Variants in TRA2B observed in about 807,000 individuals in gnomAD.
The protein encoded by TRA2B is transformer-2 protein homolog beta.
A neutral mutation model predicts 41.7 loss-of-function variants in TRA2B; 14 were observed. The ratio of observed to expected loss-of-function variants is 0.34; its 90% CI spans 0.22 to 0.53. TRA2B has a LOEUF of 0.53. TRA2B is among the 20% of genes least tolerant of loss of function. The probability of loss-of-function intolerance (pLI) is 0.95; values close to 1 mark genes in which losing one functional copy is unlikely to be tolerated. For missense variants in TRA2B, 167 were observed against 396.8 expected (o/e 0.42, Z 4.92); for synonymous variants, 130 against 128.8 (o/e 1.01, Z -0.06).
intron 3 of TRA2B, chr3:185,924,326 G>T (rs567545669): frequency 3.3e-5 from 6 of 184,026 alleles, no homozygotes; most frequent in Admixed American, 3.0e-4. Context: ...GAACCACACT[G>T]TGTCTATCAG....
At chr3:185,932,145 A>C (rs1313694731) in intron 1 of TRA2B, among the ~76,000 whole-genome samples, 1 of 152,178 alleles carries the variant, frequency 6.6e-6, no homozygotes, top group African/African-American at 2.4e-5. Context: ...TATTAGTTAC[A>C]TTTCACACTT....
In TRA2B at chr3:185,915,609, T is replaced by C. The variant is rs1382447834; in HGVS notation, c.*2106A>G. ...AAATTTTCCTCAGTCTTTTGCCTGTTAACACTCTTTGTAGCCATGTCAAAT... is the reference window on the plus strand; with the variant it reads ...AAATTTTCCTCAGTCTTTTGCCTGTCAACACTCTTTGTAGCCATGTCAAAT... On this transcript the variant is annotated 3_prime_UTR_variant, in exon 9 of 9. Coordinates refer to ENST00000453386, the MANE Select transcript of TRA2B (RefSeq NM_004593.3). Among the ~76,000 whole-genome samples the C allele has an allele frequency of 6.6e-6, 1 of 152,216 alleles. No individual in the cohort carries two copies. The highest frequency in any genetic ancestry group is 1.5e-5 in the Non-Finnish European group (1 of 68,038).
At chr3:185,936,901 C>A (rs768693549) in intron 1 of TRA2B, 479 of 985,302 alleles carry the variant, frequency 4.9e-4, no homozygotes, top group Non-Finnish European at 5.4e-4. Context: ...TCAACCCTCA[C>A]TGAACACCTT....
chr3:185,928,618 A>T (rs2284909), intron 1 of TRA2B: 53,804 of 152,056 alleles, frequency 0.35, 9,868 homozygotes, highest in Non-Finnish European at 0.42. Context: ...GGCAAAAATT[A>T]ACATAGGTGA....
At chr3:185,925,231 A>G (rs1198269279) in intron 3 of TRA2B, 3 of 360,404 alleles carry the variant, frequency 8.3e-6, no homozygotes, top group East Asian at 1.1e-4. Context: ...TTTTTTTTTG[A>G]TGGGCTAAGG....
rs758262584 is a variant in TRA2B, at chr3:185,915,712, T to C, written c.*2003A>G. ...AAAAGGAAACTTTCAATCAGCAGGA[T>C]AAAGGATGGCTACACAACTAAAGGG... On this transcript the variant is annotated 3_prime_UTR_variant, in exon 9 of 9. Coordinates refer to ENST00000453386, the MANE Select transcript of TRA2B (RefSeq NM_004593.3). Among the ~76,000 whole-genome samples the C allele has an allele frequency of 4.6e-5, 7 of 152,128 alleles. No homozygotes were observed. The highest frequency in any genetic ancestry group is 2.6e-4 in the Admixed American group (4 of 15,280).
intron 1 of TRA2B, chr3:185,931,886 T>A: frequency 7.4e-7 from 1 of 1,354,814 alleles, no homozygotes; most frequent in Non-Finnish European, 9.5e-7. Flanking sequence ...AAGAATATTT[T>A]AAAACTCCAG....
intron 1 of TRA2B, among the ~76,000 whole-genome samples, chr3:185,930,324 AAAT>A (rs1744102597): frequency 6.6e-6 from 1 of 152,132 alleles, no homozygotes; most frequent in African/African-American, 2.4e-5. Context: ...TTGGAACATA[AAAT>A]AACATTTATC....
rs557869003 is a variant in TRA2B at position 185,924,116 on chromosome 3, A to G, written c.334-132T>C. The G allele has an allele frequency of 4.5e-5, 31 of 683,736 alleles. No individual in the cohort carries two copies. The South Asian group carries it at 1.1e-3, about 25-fold the overall frequency. The allele number at this position is 683,736 out of a possible 1,614,324, so 42.4% of individuals were successfully genotyped here. A position where few individuals can be genotyped will look rare whatever the true frequency, so the allele number is the denominator to read the frequency against. ...ATAATGATTAGACCAAACACTGCTT[A>G]GAAATTACAAAATTACAGCAAGTAC... On this transcript the variant is annotated intron_variant, in intron 3 of 8. Coordinates refer to ENST00000453386, the MANE Select transcript of TRA2B (RefSeq NM_004593.3).
chr3:185,935,665 G>A, intron 1 of TRA2B: 1 of 985,432 alleles, frequency 1.0e-6, no homozygotes, highest in South Asian at 4.7e-5. Context: ...TCTGGCTCCA[G>A]AGAAGCATCA....
intron 8 of TRA2B, among the ~76,000 whole-genome samples, chr3:185,917,944 G>C (rs898355607): frequency 2.0e-5 from 3 of 152,110 alleles, no homozygotes; most frequent in Non-Finnish European, 2.9e-5. Flanking sequence ...AACTCAATCT[G>C]AGAACTAAAG....
rs142542739 is a variant in TRA2B, at chr3:185,921,696, G to A, written c.638+315C>T. 4.7e-4 allele frequency among the ~76,000 whole-genome samples: 71 copies of A among 152,236 alleles called. No homozygotes were observed. In the East Asian group the frequency reaches 0.011, roughly 23 times the overall value. ...GGAGAACTGCTTGAACCCAGGAGGC[G>A]AAGGTTGCAGTGAACTGAGATTGCA... On this transcript the variant is annotated intron_variant, in intron 5 of 8. Transcript: ENST00000453386.
intron 1 of TRA2B, chr3:185,931,851 A>G (rs1380548157): frequency 6.8e-7 from 1 of 1,480,312 alleles, no homozygotes; most frequent in South Asian, 1.4e-5. Context: ...TTCAACATTA[A>G]CCTTAATAGA....
chr3:185,917,644 A>G lies in TRA2B; in HGVS notation c.*71T>C, dbSNP rs1312174506. The G allele has an allele frequency of 1.7e-5, 27 of 1,557,778 alleles. No individual in the cohort carries two copies. The South Asian group carries it at 2.3e-4, about 13-fold the overall frequency. On this transcript the variant is annotated 3_prime_UTR_variant, in exon 9 of 9. Transcript: ENST00000453386. ...CTAGGCACTGTTCACTTTTTAAACAAGAGACAATAAAAAATATTGCCCACA... is the reference window on the plus strand; with the variant it reads ...CTAGGCACTGTTCACTTTTTAAACAGGAGACAATAAAAAATATTGCCCACA...
At chr3:185,931,200 C>G (rs928713393) in intron 1 of TRA2B, among the ~76,000 whole-genome samples, 2 of 152,130 alleles carry the variant, frequency 1.3e-5, no homozygotes, top group Non-Finnish European at 2.9e-5. Flanking sequence ...ATACATTGCT[C>G]AGTACTGAAG....
Position 185,921,109 on chromosome 3 carries a change from T to C in TRA2B, c.717A>G (p.Ser239=), listed in dbSNP as rs1743717567. The change falls in exon 6 of 9, where the codon TCA becomes TCG. Residue 239 remains serine, a synonymous_variant. Coordinates refer to ENST00000453386, the MANE Select transcript of TRA2B (RefSeq NM_004593.3). ...CTTTCTACCTCATAACTTACCTGTA[T>C]GATCTGCTATAGTAGTCCCGATCAT... ...GYDDRDYYSR[S]YRGGGGGGGG... is the part of the protein sequence containing the mutation. 6.2e-7 allele frequency: 1 copy of C among 1,614,028 alleles called. No homozygotes were observed. Among genetic ancestry groups the C allele is most frequent in the African/African-American group, 1.3e-5 (1 of 75,058 alleles).
At chr3:185,935,252 T>C (rs1358314124) in intron 1 of TRA2B, 20 of 985,294 alleles carry the variant, frequency 2.0e-5, no homozygotes, top group Non-Finnish European at 2.4e-5. Context: ...GAAAACGAGA[T>C]CTTACTTTTG....
At chr3:185,937,536 G>A (rs1430481435) in intron 1 of TRA2B, 15 of 1,007,662 alleles carry the variant, frequency 1.5e-5, no homozygotes, top group Non-Finnish European at 1.8e-5. Context: ...CCAACACCGC[G>A]GGGACGCAGC....
chr3:185,934,691 T>C (rs1438986400), intron 1 of TRA2B: 11 of 985,142 alleles, frequency 1.1e-5, no homozygotes, highest in Non-Finnish European at 1.3e-5. Flanking sequence ...TTTTGAAAAT[T>C]AGAATTTAGA....
Sources: allele counts gnomAD v4.1 joint callset (sites outside exome capture counted in the v4.1 genomes callset), GRCh38; gene constraint gnomAD v4.1.1; transcripts MANE v1.5; gene names NCBI Gene and HGNC (gene_info 2026-07-23, HGNC 2026-07-21).